The following MAP7 variants were observed in gnomAD, a reference collection of about 807,000 sequenced individuals.
MAP7 encodes the protein microtubule associated protein 7, also known as ensconsin.
MAP7 carries 52 observed loss-of-function variants against 94.8 expected under a neutral mutation model. The ratio of observed to expected loss-of-function variants is 0.55; its 90% confidence interval spans 0.44 to 0.69. The LOEUF is 0.69. Among genes scored for constraint, MAP7 ranks in the 30% least tolerant of loss-of-function variants. The pLI, the probability that MAP7 is intolerant of heterozygous loss-of-function variation, is 0.00. For synonymous variants in MAP7, 350 were observed against 357.0 expected, an observed-to-expected ratio of 0.98 and a Z score of 0.22; for missense variants, 940 against 964.6, an observed-to-expected ratio of 0.97 and a Z score of 0.34.
chr6:136,419,480 T>G (rs1790560152), intron 2 of MAP7, among the ~76,000 whole-genome samples: 1 of 152,242 alleles, frequency 6.6e-6, no homozygotes, highest in Non-Finnish European at 1.5e-5. Flanking sequence ...TGACACACAG[T>G]AGGCACTCAA....
At chr6:136,461,191 T>C (rs757521542) in intron 1 of MAP7, among the ~76,000 whole-genome samples, 10 of 152,330 alleles carry the variant, frequency 6.6e-5, no homozygotes, top group Non-Finnish European at 1.3e-4. Flanking sequence ...CACTTATGTA[T>C]AGCTACAATT....
At chr6:136,410,386 T>A (rs1357214182) in intron 3 of MAP7, among the ~76,000 whole-genome samples, 2 of 152,180 alleles carry the variant, frequency 1.3e-5, no homozygotes, top group Non-Finnish European at 2.9e-5. Context: ...GCCTTCATCC[T>A]CTCTCAGTTC....
chr6:136,544,587 C>T (rs186912613), intron 1 of MAP7, among the ~76,000 whole-genome samples: 2 of 152,268 alleles, frequency 1.3e-5, no homozygotes, highest in East Asian at 3.9e-4. Flanking sequence ...CTTTACAGGT[C>T]GTCTCACCCC....
intron 3 of MAP7, among the ~76,000 whole-genome samples, chr6:136,399,829 C>T (rs977221041): frequency 1.3e-5 from 2 of 152,098 alleles, no homozygotes; most frequent in Non-Finnish European, 2.9e-5. Context: ...AACCTATGCT[C>T]ATCAATTTTA....
In MAP7 at chr6:136,362,446, T is replaced by C. The variant is rs767571413; in HGVS notation, c.1526+4A>G. 3.1e-5 allele frequency: 50 copies of C among 1,613,520 alleles called. No homozygotes were observed. The highest frequency in any genetic ancestry group is 4.1e-5 in the Non-Finnish European group (48 of 1,179,888). On this transcript the variant is annotated splice_donor_region_variant and intron_variant, in intron 11 of 17. Transcript: ENST00000354570. ...CATGGTGTGGAGCAATGTCTCCCAT[T>C]TACCTTTCAAGCTCTTCCTGCTCCC...
chr6:136,521,557 A>G (rs1453630855), intron 1 of MAP7, among the ~76,000 whole-genome samples: 4 of 152,234 alleles, frequency 2.6e-5, no homozygotes, highest in Admixed American at 6.5e-5. Flanking sequence ...GTATAAAGTC[A>G]ATCAGATGAC....
intron 1 of MAP7, among the ~76,000 whole-genome samples, chr6:136,423,204 T>A (rs1165912945): frequency 6.6e-6 from 1 of 152,148 alleles, no homozygotes; most frequent in Non-Finnish European, 1.5e-5. Flanking sequence ...TTGAGTGTGT[T>A]TTGGAGTCAG....
At chr6:136,474,866 C>T (rs1009575049) in intron 1 of MAP7, among the ~76,000 whole-genome samples, 1 of 152,010 alleles carries the variant, frequency 6.6e-6, no homozygotes, top group African/African-American at 2.4e-5. Flanking sequence ...CGGGTGCACA[C>T]CATTATGCTT....
intron 1 of MAP7, among the ~76,000 whole-genome samples, chr6:136,454,072 C>G (rs536387006): frequency 6.6e-6 from 1 of 152,126 alleles, no homozygotes; most frequent in South Asian, 2.1e-4. Context: ...CCTTGTCTAC[C>G]GAGGAACATA....
intron 1 of MAP7, among the ~76,000 whole-genome samples, chr6:136,446,571 G>A (rs1007998841): frequency 2.0e-5 from 3 of 152,146 alleles, no homozygotes; most frequent in South Asian, 2.1e-4. Flanking sequence ...GCAGGGGGGC[G>A]CTGAAAAGCC....
At chr6:136,457,146 T>C (rs1272934499) in intron 1 of MAP7, among the ~76,000 whole-genome samples, 1 of 148,532 alleles carries the variant, frequency 6.7e-6, no homozygotes, top group Non-Finnish European at 1.5e-5. Flanking sequence ...AAAAGGACCA[T>C]AAAAGGCTAC....
intron 1 of MAP7, among the ~76,000 whole-genome samples, chr6:136,543,056 TCTTATAAAGTTAAA>T (rs1829453979): frequency 6.6e-6 from 1 of 152,212 alleles, no homozygotes; most frequent in African/African-American, 2.4e-5. Flanking sequence ...CTTGGCCATT[TCTTATAAAGTTAAA>T]CATACAGTTA....
intron 1 of MAP7, among the ~76,000 whole-genome samples, chr6:136,454,388 C>A (rs573777461): frequency 2.6e-5 from 4 of 152,034 alleles, no homozygotes; most frequent in African/African-American, 9.6e-5. Context: ...CTCCCTGTAG[C>A]CTTGACCGCC....
chr6:136,414,239 C>T (rs1788524534), intron 2 of MAP7, among the ~76,000 whole-genome samples: 1 of 28,116 alleles, frequency 3.6e-5, no homozygotes, highest in Non-Finnish European at 9.1e-5. Flanking sequence ...GGCGACAGAG[C>T]GAGACTCCGT....
At chr6:136,440,367 G>T (rs1797489523) in intron 1 of MAP7, among the ~76,000 whole-genome samples, 1 of 152,114 alleles carries the variant, frequency 6.6e-6, no homozygotes, top group South Asian at 2.1e-4. Flanking sequence ...AGGCTTCCTG[G>T]AATAGGTGAC....
chr6:136,489,792 G>C (rs958020163), intron 1 of MAP7, among the ~76,000 whole-genome samples: 3 of 151,976 alleles, frequency 2.0e-5, no homozygotes, highest in African/African-American at 7.3e-5. Flanking sequence ...GCCTCCTAAA[G>C]TGCTGGGATT....
chr6:136,391,447 T>C lies in MAP7; in HGVS notation c.245-1930A>G, dbSNP rs1338508929. Among the ~76,000 whole-genome samples, 12 of 148,170 alleles carry C rather than the reference T, an allele frequency of 8.1e-5. No homozygotes were observed. In the East Asian group the frequency reaches 2.0e-3, roughly 25 times the overall value. ...GGATAGCATTGGGAGATATACCTAA[T>C]GCTAGATGACACATTAGTGGGTGCA... On this transcript the variant is annotated intron_variant, in intron 3 of 17. Coordinates refer to ENST00000354570, the MANE Select transcript of MAP7 (RefSeq NM_003980.6).
chr6:136,504,261 G>A (rs1233041513), intron 1 of MAP7, among the ~76,000 whole-genome samples: 1 of 152,146 alleles, frequency 6.6e-6, no homozygotes, highest in East Asian at 1.9e-4. Flanking sequence ...GAGAGAGATG[G>A]AAGGAGGTGA....
rs1442434816 is a variant in MAP7, at chr6:136,550,422, C to T, written c.-14G>A. 4 of 1,510,460 alleles carry T rather than the reference C, an allele frequency of 2.6e-6. No homozygotes were observed. The highest frequency in any genetic ancestry group is 3.5e-6 in the Non-Finnish European group (4 of 1,136,188). The allele number at this position is 1,510,460 out of a possible 1,614,324, so 93.6% of individuals were successfully genotyped here. A position where few individuals can be genotyped will look rare whatever the true frequency, so the allele number is the denominator to read the frequency against. Reference sequence around the variant, plus strand: ...TAGCTCCGCCATGGTGCTCCGATGACGCGCCCGGAGAGCCGCTCCGCCCTT... The same window carrying T: ...TAGCTCCGCCATGGTGCTCCGATGATGCGCCCGGAGAGCCGCTCCGCCCTT... On this transcript the variant is annotated 5_prime_UTR_variant, in exon 1 of 18. Transcript: ENST00000354570. This position sits in a 1 kb window ranked among gnomAD's most constrained non-coding sequence, Gnocchi z 5.1.
Sources: gnomAD v4.1 joint callset for allele counts (sites outside exome capture counted in the v4.1 genomes callset) on GRCh38, gnomAD v4.1.1 for gene constraint, Gnocchi (gnomAD v3.1) non-coding constraint, MANE v1.5 for transcripts, NCBI Gene and HGNC (gene_info 2026-07-23, HGNC 2026-07-21) for gene names.